The following CCL1 variants were observed in gnomAD, a reference collection of about 807,000 sequenced individuals.
CCL1 encodes the protein C-C motif chemokine ligand 1.
In CCL1, 9 loss-of-function variants were observed where a neutral mutation model predicts 7.5. The observed-to-expected ratio is 1.20, with a 90% CI of 0.72 to 2.09. The LOEUF (loss-of-function observed/expected upper bound fraction) is 2.09. CCL1 is among the 30% of genes most tolerant of loss of function. The pLI is 0.00. For missense variants in CCL1, 110 were observed against 113.7 expected (o/e 0.97, Z 0.15); for synonymous variants, 48 against 44.7 (o/e 1.07, Z -0.30).
In CCL1 at chr17:34,360,441, C is replaced by A; in HGVS notation, c.*118G>T. 1 of 779,242 alleles carries A rather than the reference C, an allele frequency of 1.3e-6. No homozygotes were observed. Among genetic ancestry groups the A allele is most frequent in the East Asian group, 2.5e-5 (1 of 40,320 alleles). The allele number at this position is 779,242 out of a possible 1,614,324, so 48.3% of individuals were successfully genotyped here. A position where few individuals can be genotyped will look rare whatever the true frequency, so the allele number is the denominator to read the frequency against. On this transcript the variant is annotated 3_prime_UTR_variant, in exon 3 of 3. Transcript: ENST00000225842. Reference sequence around the variant, plus strand: ...AGTGCAACAACATAGCTTATCAAGACCAAGCAGATCCTCTGTGACCTAGCA... The same window carrying A: ...AGTGCAACAACATAGCTTATCAAGAACAAGCAGATCCTCTGTGACCTAGCA...
chr17:34,363,057 A>G lies in CCL1; in HGVS notation c.76+29T>C, dbSNP rs956833818. On this transcript the variant is annotated intron_variant, in intron 1 of 2. Transcript: ENST00000225842. ...GACCACGTTTCTGCCCTCCCCAGAG[A>G]GAAGCAAAATGATGCCTGCCACACT... The G allele has an allele frequency of 6.8e-6, 11 of 1,607,382 alleles. 1 individual carries two copies. In the Middle Eastern group the frequency reaches 6.6e-4, roughly 96 times the overall value.
At position 34,362,564 on chromosome 17, in the gene CCL1, C is replaced by G. The variant is rs563808517; in HGVS notation, c.76+522G>C. On this transcript the variant is annotated intron_variant, in intron 1 of 2. Coordinates refer to ENST00000225842, the MANE Select transcript of CCL1 (RefSeq NM_002981.2). ...GCATTCCAATCCCAGCTTCTTCCTC[C>G]TAGTTTTTCTGTTTGCACCCCCTTT... Among the ~76,000 whole-genome samples the G allele has an allele frequency of 7.4e-4, 112 of 152,252 alleles. 1 individual carries two copies. Among genetic ancestry groups the G allele is most frequent in the African/African-American group, 2.3e-3 (96 of 41,548 alleles).
Sources: gnomAD v4.1 joint callset for allele counts (sites outside exome capture counted in the v4.1 genomes callset) on GRCh38, gnomAD v4.1.1 for gene constraint, MANE v1.5 for transcripts, NCBI Gene and HGNC (gene_info 2026-07-23, HGNC 2026-07-21) for gene names.